The following KIF16B variants were observed in gnomAD, a reference collection of about 807,000 sequenced individuals.
KIF16B encodes the protein kinesin family member 16B, also known as kinesin-like protein KIF16B.
KIF16B carries 98 observed loss-of-function variants against 156.3 expected under a neutral mutation model. That is an observed-to-expected ratio of 0.63 (90% CI 0.53 to 0.74). KIF16B has a LOEUF of 0.74. Among genes scored for constraint, KIF16B ranks in the 30% least tolerant of loss-of-function variants. The pLI is 0.00. For missense variants in KIF16B, 1,421 were observed against 1,606.5 expected (o/e 0.88, Z 1.97); for synonymous variants, 564 against 583.7 (o/e 0.97, Z 0.49).
At chr20:16,532,068 C>CAAAA (rs34843252) in intron 1 of KIF16B, among the ~76,000 whole-genome samples, 5 of 99,308 alleles carry the variant, frequency 5.0e-5, no homozygotes, top group African/African-American at 2.0e-4. Context: ...AACTCCGTCT[C>CAAAA]AAAAAAAAAA....
At chr20:16,564,511 G>C (rs1351863562) in intron 1 of KIF16B, among the ~76,000 whole-genome samples, 1 of 152,070 alleles carries the variant, frequency 6.6e-6, no homozygotes, top group African/African-American at 2.4e-5. Flanking sequence ...GGGGCCTGTT[G>C]TGAGGTGGGG....
intron 17 of KIF16B, among the ~76,000 whole-genome samples, chr20:16,389,707 C>T (rs1172470272): frequency 6.6e-6 from 1 of 152,180 alleles, no homozygotes; most frequent in Admixed American, 6.5e-5. Flanking sequence ...CAATCTTCTT[C>T]CTAGCCTTGT....
rs150319660 is a variant in KIF16B at position 16,478,729 on chromosome 20, T to C, written c.1302+15562A>G. Among the ~76,000 whole-genome samples, 868 of 152,298 alleles carry C rather than the reference T, an allele frequency of 5.7e-3. 8 individuals are homozygous for C. Among genetic ancestry groups the C allele is most frequent in the African/African-American group, 0.02 (821 of 41,568 alleles). On this transcript the variant is annotated intron_variant, in intron 12 of 25. Coordinates refer to ENST00000354981, the MANE Select transcript of KIF16B (RefSeq NM_024704.5). ...TGGCCCCAAAGCACAAGAGTAATGA[T>C]GCAGGTATATTGTTATAATTGTTTA...
chr20:16,487,732 T>C (rs866743780), intron 12 of KIF16B, among the ~76,000 whole-genome samples: 1 of 152,182 alleles, frequency 6.6e-6, no homozygotes, highest in South Asian at 2.1e-4. Context: ...TCTTTCATCA[T>C]TGTGCTATCC....
intron 1 of KIF16B, among the ~76,000 whole-genome samples, chr20:16,555,911 C>T (rs541853816): frequency 6.6e-6 from 1 of 152,280 alleles, no homozygotes; most frequent in South Asian, 2.1e-4. Flanking sequence ...CTCATTAATT[C>T]ATTTATTAGT....
At chr20:16,367,580 G>C in intron 22 of KIF16B, 1 of 1,612,826 alleles carries the variant, frequency 6.2e-7, no homozygotes, top group Non-Finnish European at 8.5e-7. Flanking sequence ...GTTGTGTAGA[G>C]CAGTAACTGA....
chr20:16,283,657 G>A (rs1052952595), intron 25 of KIF16B, among the ~76,000 whole-genome samples: 2 of 152,190 alleles, frequency 1.3e-5, no homozygotes, highest in East Asian at 3.8e-4. Context: ...TTCTACAGCT[G>A]CACAACAAAT....
chr20:16,409,950 TATATATATATATATATATAC>T lies in KIF16B; in HGVS notation c.1613-3514_1613-3495del, dbSNP rs1365395865. Among the ~76,000 whole-genome samples, 57 of 33,360 alleles carry T rather than the reference TATATATATATATATATATAC, an allele frequency of 1.7e-3. 2 individuals are homozygous for T. In the South Asian group the frequency reaches 0.029, roughly 17 times the overall value. 21.9% of individuals were successfully genotyped at this position (33,360 alleles called of 152,430 possible). ...CTACCTTCCTACCCACTTACCTACA[TATATATATATATATATATAC>T]ATATATATATATATATATATATGTA... On this transcript the variant is annotated intron_variant, in intron 15 of 25. Coordinates refer to ENST00000354981, the MANE Select transcript of KIF16B (RefSeq NM_024704.5).
intron 25 of KIF16B, among the ~76,000 whole-genome samples, chr20:16,309,253 A>G (rs949057569): frequency 1.3e-5 from 2 of 152,242 alleles, no homozygotes; most frequent in African/African-American, 4.8e-5. Flanking sequence ...TGGAGCAGAT[A>G]GAAGTTTGGC....
chr20:16,469,986 T>C (rs2067614363), intron 12 of KIF16B, among the ~76,000 whole-genome samples: 1 of 151,960 alleles, frequency 6.6e-6, no homozygotes, highest in African/African-American at 2.4e-5. Flanking sequence ...ATCCAAACAA[T>C]GGAATATTAA....
chr20:16,551,800 C>G (rs1417534669), intron 1 of KIF16B, among the ~76,000 whole-genome samples: 2 of 152,158 alleles, frequency 1.3e-5, no homozygotes, highest in Non-Finnish European at 2.9e-5. Context: ...ATTTCTGTGG[C>G]TCAGCTGACC....
intron 1 of KIF16B, among the ~76,000 whole-genome samples, chr20:16,538,716 C>T (rs1304593547): frequency 6.6e-6 from 1 of 152,158 alleles, no homozygotes; most frequent in Non-Finnish European, 1.5e-5. Context: ...ATCCTATTGA[C>T]ATAGTTTCTA....
chr20:16,357,379 G>A lies in KIF16B; in HGVS notation c.3499-927C>T, dbSNP rs374038869. On this transcript the variant is annotated intron_variant, in intron 22 of 25. Transcript: ENST00000354981. ...GATGAGAGGCCCAAGACTGAGGGTT[G>A]AGCTCACTTGATGGAGGTATGGGGT... Among the ~76,000 whole-genome samples, 5 of 152,280 alleles carry A rather than the reference G, an allele frequency of 3.3e-5. No individual in the cohort carries two copies. The South Asian group carries it at 8.3e-4, about 25-fold the overall frequency.
intron 17 of KIF16B, among the ~76,000 whole-genome samples, chr20:16,400,468 A>G (rs2065623073): frequency 6.6e-6 from 1 of 152,180 alleles, no homozygotes; most frequent in African/African-American, 2.4e-5. Flanking sequence ...TTGAAAATTA[A>G]AAATAGGGCT....
At chr20:16,551,376 G>A (rs143465702) in intron 1 of KIF16B, among the ~76,000 whole-genome samples, 305 of 151,990 alleles carry the variant, frequency 2.0e-3, no homozygotes, top group South Asian at 9.1e-3. Context: ...GTGATCTCCC[G>A]CCTCAGCCTC....
chr20:16,492,653 C>T (rs1009401133), intron 12 of KIF16B, among the ~76,000 whole-genome samples: 4 of 151,860 alleles, frequency 2.6e-5, no homozygotes, highest in Admixed American at 2.0e-4. Flanking sequence ...GGTGTGGATA[C>T]CCTTTACAGA....
intron 12 of KIF16B, among the ~76,000 whole-genome samples, chr20:16,483,183 G>C (rs896462388): frequency 4.6e-5 from 7 of 152,172 alleles, no homozygotes; most frequent in Non-Finnish European, 1.0e-4. Flanking sequence ...TAGACAGCCT[G>C]AGGAGTAAGT....
intron 7 of KIF16B, 53 bp from the exon 8 acceptor site, chr20:16,506,243 G>A (rs1365278071): frequency 4.9e-6 from 7 of 1,433,358 alleles, no homozygotes; most frequent in Non-Finnish European, 5.9e-6. Context: ...CCCTGATGTT[G>A]TTGATGATAT....
At chr20:16,395,207 A>T (rs973513218) in intron 17 of KIF16B, among the ~76,000 whole-genome samples, 2 of 31,374 alleles carry the variant, frequency 6.4e-5, no homozygotes, top group African/African-American at 3.1e-4. Flanking sequence ...AGGAGGGAAG[A>T]GGAGGGGAGG....
Sources: gnomAD v4.1 joint callset for allele counts (sites outside exome capture counted in the v4.1 genomes callset) on GRCh38, gnomAD v4.1.1 for gene constraint, MANE v1.5 for transcripts, NCBI Gene and HGNC (gene_info 2026-07-23, HGNC 2026-07-21) for gene names.